YAE1: variants seen among roughly 807,000 people sequenced by gnomAD.
The protein encoded by YAE1 is YAE1 maturation factor of ABCE1, also known as protein YAE1 homolog.
Under a neutral mutation model 23.0 loss-of-function variants are expected in YAE1, and 22 were observed. That is an observed-to-expected ratio of 0.96 (90% CI 0.68 to 1.37). The LOEUF (loss-of-function observed/expected upper bound fraction) is 1.37, where lower values mean the gene tolerates loss of function less well. Among genes scored for constraint, YAE1 ranks in the 40% most tolerant of loss-of-function variants. The pLI is 0.00. For missense variants in YAE1, 260 were observed against 262.1 expected, an observed-to-expected ratio of 0.99 and a Z score of 0.06; for synonymous variants, 101 against 97.0, an observed-to-expected ratio of 1.04 and a Z score of -0.24.
chr7:39,609,401 A>G, intron 2 of YAE1: 3 of 624,468 alleles, frequency 4.8e-6, no homozygotes, highest in Non-Finnish European at 8.2e-6. Flanking sequence ...TATTTACATC[A>G]CCATCATGTG....
intron 2 of YAE1, among the ~76,000 whole-genome samples, chr7:39,584,340 G>A (rs1404426343): frequency 6.6e-6 from 1 of 152,126 alleles, no homozygotes; most frequent in Non-Finnish European, 1.5e-5. Context: ...GTTATGGGGA[G>A]GAGATGCTGT....
intron 1 of YAE1, 103 bp downstream of exon 1, chr7:39,566,650 C>T (rs1790473374): frequency 2.7e-6 from 4 of 1,494,304 alleles, no homozygotes; most frequent in Middle Eastern, 2.0e-4. Context: ...CGGCGCTGCT[C>T]TCTTTATCCC....
chr7:39,577,573 C>T (rs951876505), downstream of YAE1, among the ~76,000 whole-genome samples: 1 of 152,178 alleles, frequency 6.6e-6, no homozygotes, highest in Non-Finnish European at 1.5e-5. Flanking sequence ...TGCACCAGGT[C>T]CCCCAGCAGT....
In YAE1 at chr7:39,578,222, G is replaced by A. The variant is rs569343555; in HGVS notation, c.251+7595G>A. Among the ~76,000 whole-genome samples the A allele has an allele frequency of 9.8e-5, 15 of 152,322 alleles. 1 individual carries two copies. The South Asian group carries it at 3.1e-3, about 32-fold the overall frequency. ...CTAGCTAATCTGGTAGGGAGTTGGA[G>A]AACCTTTATGTCTAGCTAAGGGATT... On this transcript the variant is annotated intron_variant, in intron 2 of 2. Coordinates refer to the YAE1 transcript ENST00000432096.
At chr7:39,570,689 G>A in intron 2 of YAE1, 62 bp downstream of exon 2, 1 of 1,524,374 alleles carries the variant, frequency 6.6e-7, no homozygotes, top group Non-Finnish European at 8.7e-7. Flanking sequence ...GGATGTTTCT[G>A]TATAAATAAA....
At chr7:39,594,629 TCACTC>T (rs1197391349) in intron 2 of YAE1, among the ~76,000 whole-genome samples, 1 of 151,842 alleles carries the variant, frequency 6.6e-6, no homozygotes, top group East Asian at 1.9e-4. Context: ...TGAGACAGTC[TCACTC>T]TTGTTGCCCA....
At chr7:39,574,064 T>C (rs1416654496), downstream of YAE1, among the ~76,000 whole-genome samples, 3 of 152,334 alleles carry the variant, frequency 2.0e-5, no homozygotes, top group Middle Eastern at 3.4e-3. Flanking sequence ...CATATACATA[T>C]GAAATACCTC....
intron 2 of YAE1, among the ~76,000 whole-genome samples, chr7:39,591,786 C>T (rs529178541): frequency 6.6e-6 from 1 of 152,302 alleles, no homozygotes; most frequent in African/African-American, 2.4e-5. Flanking sequence ...TATAGTATCA[C>T]ACAGAGTATT....
At chr7:39,610,922 G>A (rs1029983173), downstream of YAE1, among the ~76,000 whole-genome samples, 1 of 152,128 alleles carries the variant, frequency 6.6e-6, no homozygotes, top group Non-Finnish European at 1.5e-5. Context: ...AGGCCGAGCT[G>A]GGCGGATCGC....
chr7:39,610,044 C>T, exon 3 of YAE1: 1 of 1,468,844 alleles, frequency 6.8e-7, no homozygotes, highest in Admixed American at 2.4e-5. Flanking sequence ...CAGTCCTCAG[C>T]ACCCAGCACC....
At chr7:39,584,165 A>G (rs1790781547) in intron 2 of YAE1, among the ~76,000 whole-genome samples, 1 of 152,178 alleles carries the variant, frequency 6.6e-6, no homozygotes, top group African/African-American at 2.4e-5. Context: ...TTTAAAAGAA[A>G]ACTAAGGAAG....
intron 2 of YAE1, among the ~76,000 whole-genome samples, chr7:39,591,932 T>C (rs1790906103): frequency 6.6e-6 from 1 of 152,246 alleles, no homozygotes; most frequent in South Asian, 2.1e-4. Context: ...GTTGGAATCA[T>C]ACATTATGTA....
At chr7:39,586,311 T>TTG (rs1790812971) in intron 2 of YAE1, among the ~76,000 whole-genome samples, 2 of 151,278 alleles carry the variant, frequency 1.3e-5, no homozygotes, top group East Asian at 2.0e-4. Context: ...TAGCTGGGAC[T>TTG]ACAGGCGCCT....
intron 2 of YAE1, among the ~76,000 whole-genome samples, chr7:39,605,731 C>G (rs77359033): frequency 0.031 from 4,702 of 152,210 alleles, 207 homozygotes; most frequent in South Asian, 0.18. Flanking sequence ...CTTTTTTTCT[C>G]TCTCTCTCTG....
chr7:39,573,708 A>G (rs1790609814), downstream of YAE1, among the ~76,000 whole-genome samples: 1 of 152,216 alleles, frequency 6.6e-6, no homozygotes, highest in South Asian at 2.1e-4. Context: ...GAAGAATCTG[A>G]CAAAGTATAT....
intron 2 of YAE1, among the ~76,000 whole-genome samples, chr7:39,591,979 C>T (rs1054919894): frequency 6.6e-6 from 1 of 152,152 alleles, no homozygotes; most frequent in African/African-American, 2.4e-5. Context: ...TGGCAATATG[C>T]ATTTAAGTTT....
downstream of YAE1, among the ~76,000 whole-genome samples, chr7:39,575,175 A>G (rs1790634072): frequency 6.6e-6 from 1 of 152,218 alleles, no homozygotes; most frequent in Admixed American, 6.5e-5. Context: ...GAACCCAGAC[A>G]TTAGACTGAG....
At chr7:39,586,425 G>C (rs2115810502) in intron 2 of YAE1, among the ~76,000 whole-genome samples, 1 of 151,556 alleles carries the variant, frequency 6.6e-6, no homozygotes, top group South Asian at 2.1e-4. Flanking sequence ...GCCCGCCTCA[G>C]CCTCCCAAAG....
At chr7:39,590,757 T>C (rs1378843975) in intron 2 of YAE1, among the ~76,000 whole-genome samples, 1 of 152,216 alleles carries the variant, frequency 6.6e-6, no homozygotes, top group African/African-American at 2.4e-5. Context: ...GGCATCATAT[T>C]GGCACTGAAA....
Sources: gnomAD v4.1 joint callset for allele counts (sites outside exome capture counted in the v4.1 genomes callset) on GRCh38, gnomAD v4.1.1 for gene constraint, MANE v1.5 for transcripts, NCBI Gene and HGNC (gene_info 2026-07-23, HGNC 2026-07-21) for gene names.